The following COLQ variants were observed in gnomAD, a reference collection of about 807,000 sequenced individuals.
The protein encoded by COLQ is acetylcholinesterase collagenic tail peptide.
Under a neutral mutation model 69.0 loss-of-function variants are expected in COLQ, and 48 were observed. That is an observed-to-expected ratio of 0.70 (90% CI 0.55 to 0.88). The LOEUF (loss-of-function observed/expected upper bound fraction) is 0.88. Among genes scored for constraint, COLQ ranks in the 40% least tolerant of loss-of-function variants. The pLI is 0.00. For missense variants in COLQ, 618 were observed against 594.6 expected, an observed-to-expected ratio of 1.04 and a Z score of -0.41; for synonymous variants, 217 against 211.2, an observed-to-expected ratio of 1.03 and a Z score of -0.24.
At chr3:15,462,195 A>G (rs1575466154) in intron 12 of COLQ, among the ~76,000 whole-genome samples, 1 of 151,836 alleles carries the variant, frequency 6.6e-6, no homozygotes, top group African/African-American at 2.4e-5. Context: ...TGCCCGGCTA[A>G]TTTTTGTATT....
At chr3:15,484,373 T>C (rs1484959623) in intron 3 of COLQ, among the ~76,000 whole-genome samples, 2 of 152,230 alleles carry the variant, frequency 1.3e-5, no homozygotes, top group African/African-American at 4.8e-5. Flanking sequence ...CCATGTTTAG[T>C]GCTTCCTTCA....
At position 15,479,353 on chromosome 3, in the gene COLQ, T is replaced by A; in HGVS notation, c.351A>T (p.Gly117=). The part of the protein sequence containing the change: ...QGPPGLPGKT[G]PKGEKGELGR... ...TGGTCCATACCTTTTCTCCCTTTGG[T>A]CCTGTCTTGCCAGGAAGCCCCGGTG... is the stretch of plus-strand genomic sequence containing the variant. The change falls in exon 4 of 17, where the codon GGA becomes GGT. Residue 117 remains glycine (G), a synonymous_variant. Coordinates refer to ENST00000383788, the MANE Select transcript of COLQ (RefSeq NM_005677.4). 6.2e-7 allele frequency: 1 copy of A among 1,614,110 alleles called. No individual in the cohort carries two copies.
chr3:15,493,190 T>C (rs2062697739), intron 1 of COLQ, among the ~76,000 whole-genome samples: 1 of 152,142 alleles, frequency 6.6e-6, no homozygotes, highest in African/African-American at 2.4e-5. Flanking sequence ...GAGCTAGGCC[T>C]TGAAGGGCTA....
intron 15 of COLQ, among the ~76,000 whole-genome samples, chr3:15,455,465 C>T (rs759741072): frequency 7.9e-5 from 12 of 152,360 alleles, no homozygotes; most frequent in African/African-American, 1.2e-4. Context: ...GTTTCCCCTA[C>T]GGAGGGCTTT....
Position 15,489,563 on chromosome 3 carries a change from G to A in COLQ, c.181C>T (p.Leu61=), listed in dbSNP as rs765195642. ...CCLLTPPPPP[L]FPPPFFRGGR... ...CCTCTGAAGAATGGTGGTGGGAACAGTGGTGGTGGAGGAGGCGTCAGCAGG... is the reference window on the plus strand; with the variant it reads ...CCTCTGAAGAATGGTGGTGGGAACAATGGTGGTGGAGGAGGCGTCAGCAGG... Residue 61 remains leucine, a synonymous_variant, in exon 2 of 17, where the codon CTG becomes TTG. Transcript: ENST00000383788. The A allele has an allele frequency of 6.8e-6, 11 of 1,614,126 alleles. No homozygotes were observed. The South Asian group carries it at 8.8e-5, about 13-fold the overall frequency.
chr3:15,461,279 C>T (rs1385448385), intron 12 of COLQ, among the ~76,000 whole-genome samples: 1 of 151,982 alleles, frequency 6.6e-6, no homozygotes, highest in Admixed American at 6.6e-5. Flanking sequence ...CCATCTGGTC[C>T]CACAGAGCTG....
At chr3:15,500,650 C>T (rs1017910995) in intron 1 of COLQ, among the ~76,000 whole-genome samples, 1 of 152,150 alleles carries the variant, frequency 6.6e-6, no homozygotes, top group African/African-American at 2.4e-5. Context: ...TGCCTCTTCT[C>T]TGTGTTTCTC....
At chr3:15,454,682 G>C (rs2062001494) in intron 15 of COLQ, among the ~76,000 whole-genome samples, 1 of 141,740 alleles carries the variant, frequency 7.1e-6, no homozygotes. Flanking sequence ...TTGAGACAGG[G>C]TCTCGCTCTG....
chr3:15,468,688 A>T (rs1475491447), intron 11 of COLQ, among the ~76,000 whole-genome samples: 3 of 152,150 alleles, frequency 2.0e-5, no homozygotes, highest in African/African-American at 7.2e-5. Context: ...GCCTGAAGGC[A>T]AGTCCTGAAG....
At chr3:15,479,688 G>C (rs1228760171) in intron 3 of COLQ, among the ~76,000 whole-genome samples, 1 of 152,136 alleles carries the variant, frequency 6.6e-6, no homozygotes, top group East Asian at 1.9e-4. Context: ...AGTGCTTGTT[G>C]AGAGCAACAA....
At position 15,474,287 on chromosome 3, in the gene COLQ, T is replaced by G; in HGVS notation, c.556-15A>C. 1 of 1,613,588 alleles carries G rather than the reference T, an allele frequency of 6.2e-7. No individual in the cohort carries two copies. Among genetic ancestry groups the G allele is most frequent in the Non-Finnish European group, 8.5e-7 (1 of 1,179,488 alleles). On this transcript the variant is annotated splice_polypyrimidine_tract_variant and intron_variant, in intron 8 of 16. Transcript: ENST00000383788. Reference sequence around the variant, plus strand: ...CCTCTGGATCCCTAGGAAGAAACCATAGGAGAAAGTCAATGAGTTAATATC... The same window carrying G: ...CCTCTGGATCCCTAGGAAGAAACCAGAGGAGAAAGTCAATGAGTTAATATC...
chr3:15,458,250 A>C lies in COLQ; in HGVS notation c.890T>G (p.Met297Arg). ...CCCGTAGGAAGGGTTATTCACATTC[A>C]TAGTGGGTCCACAAAGACATCTTCC... ...PPGRCLCGPTMNVNNPSYGES... is the reference protein window; with the variant it reads ...PPGRCLCGPTRNVNNPSYGES... Residue 297 changes from methionine (M) to arginine (R), a missense_variant, in exon 13 of 17, where the codon ATG (methionine) becomes AGG (arginine). Transcript: ENST00000383788. 3 of 1,614,112 alleles carry C rather than the reference A, an allele frequency of 1.9e-6. No homozygotes were observed. Among genetic ancestry groups the C allele is most frequent in the Non-Finnish European group, 2.5e-6 (3 of 1,179,976 alleles).
At chr3:15,481,675 T>C (rs561891278) in intron 3 of COLQ, among the ~76,000 whole-genome samples, 1 of 152,368 alleles carries the variant, frequency 6.6e-6, no homozygotes. Context: ...TCTTTTGGCT[T>C]AAGATTGTCT....
Position 15,459,389 on chromosome 3 carries a change from C to T in COLQ, c.815-1064G>A, listed in dbSNP as rs7620149. Among the ~76,000 whole-genome samples the T allele has an allele frequency of 0.47, 71,003 of 151,624 alleles. 16,883 individuals are homozygous for T. The highest frequency in any genetic ancestry group is 0.61 in the East Asian group (3,160 of 5,166). On this transcript the variant is annotated intron_variant, in intron 12 of 16. Coordinates refer to ENST00000383788, the MANE Select transcript of COLQ (RefSeq NM_005677.4). ...ACACCTCAGACCAATTCCATCAAGA[C>T]TTCTGAAAACTGAACTGAACCTAGG...
chr3:15,513,606 C>T (rs371792708), intron 1 of COLQ, among the ~76,000 whole-genome samples: 1 of 152,184 alleles, frequency 6.6e-6, no homozygotes, highest in East Asian at 1.9e-4. Flanking sequence ...CCTTCTCTTC[C>T]CTGTCTCACT....
At chr3:15,463,664 G>A (rs1370944698) in intron 12 of COLQ, among the ~76,000 whole-genome samples, 2 of 152,058 alleles carry the variant, frequency 1.3e-5, no homozygotes, top group African/African-American at 2.4e-5. Flanking sequence ...AGTTTTGTGA[G>A]CCCCTAGGTA....
chr3:15,465,527 A>T (rs1298988675), intron 12 of COLQ, among the ~76,000 whole-genome samples: 1 of 150,786 alleles, frequency 6.6e-6, no homozygotes, highest in Non-Finnish European at 1.5e-5. Flanking sequence ...CGGCCTCCCA[A>T]AGTGCTGGGA....
intron 13 of COLQ, 139 bp downstream of exon 13, chr3:15,458,047 T>C (rs1241003109): frequency 1.1e-5 from 10 of 875,332 alleles, no homozygotes; most frequent in Non-Finnish European, 1.7e-5. Context: ...TCTCATATTT[T>C]CCAATTTCCT....
At chr3:15,498,666 T>C in intron 1 of COLQ, 4 of 1,550,354 alleles carry the variant, frequency 2.6e-6, no homozygotes, top group Non-Finnish European at 3.5e-6. Flanking sequence ...CTCTGAGTGC[T>C]CCCAGTGCCT....
Sources: allele counts gnomAD v4.1 joint callset (sites outside exome capture counted in the v4.1 genomes callset), GRCh38; gene constraint gnomAD v4.1.1; transcripts MANE v1.5; gene names NCBI Gene and HGNC (gene_info 2026-07-23, HGNC 2026-07-21).